Variants in HHIPL2 observed in about 807,000 individuals in gnomAD.
HHIPL2 encodes the protein HHIP like 2, also known as HHIP-like protein 2.
HHIPL2 carries 61 observed loss-of-function variants against 61.0 expected under a neutral mutation model. The observed-to-expected ratio is 1.00, with a 90% CI of 0.81 to 1.24. The LOEUF is 1.24. HHIPL2 is among the 50% of genes most tolerant of loss of function. The probability of loss-of-function intolerance (pLI) is 0.00; values close to 1 mark genes in which losing one functional copy is unlikely to be tolerated. For missense variants in HHIPL2, 885 were observed against 910.2 expected (o/e 0.97, Z 0.36); for synonymous variants, 343 against 357.4 (o/e 0.96, Z 0.45).
chr1:222,522,944 A>G, intron 8 of HHIPL2, 57 bp from the exon 9 acceptor site: 1 of 1,418,942 alleles, frequency 7.0e-7, no homozygotes, highest in Non-Finnish European at 9.7e-7. Flanking sequence ...TAGCTATAAG[A>G]GAAAACTATA....
chr1:222,546,799 A>G (rs185506938), intron 1 of HHIPL2, among the ~76,000 whole-genome samples: 11 of 152,286 alleles, frequency 7.2e-5, no homozygotes, highest in Admixed American at 1.3e-4. Context: ...TTCACGCCCT[A>G]TGTGGGAGTT....
At position 222,526,608 on chromosome 1, in the gene HHIPL2, G is replaced by A. The variant is rs548934780; in HGVS notation, c.1805+361C>T. On this transcript the variant is annotated intron_variant, in intron 7 of 8. Transcript: ENST00000343410. Reference sequence around the variant, plus strand: ...TAATCTCAGCTACTTGGGAGGCTGAGGCAGGAATATCGCTTGAACCTGGGA... The same window carrying A: ...TAATCTCAGCTACTTGGGAGGCTGAAGCAGGAATATCGCTTGAACCTGGGA... Among the ~76,000 whole-genome samples the A allele has an allele frequency of 7.3e-5, 11 of 151,012 alleles. No individual in the cohort carries two copies. In the South Asian group the frequency reaches 1.3e-3, roughly 17 times the overall value.
intron 4 of HHIPL2, chr1:222,539,126 C>A: frequency 4.5e-6 from 1 of 224,238 alleles, no homozygotes; most frequent in Non-Finnish European, 8.7e-6. Context: ...GTCTGTAAGA[C>A]TGCTTTATAA....
rs372301341 is a variant in HHIPL2 at position 222,540,071 on chromosome 1, G to A, written c.1389C>T (p.Gly463=). 4.7e-5 allele frequency: 76 copies of A among 1,614,098 alleles called. 1 individual carries two copies. Among genetic ancestry groups the A allele is most frequent in the Non-Finnish European group, 5.8e-5 (69 of 1,180,052 alleles). The change falls in exon 4 of 9, where the codon GGC becomes GGT. Residue 463 remains glycine (G), a synonymous_variant. Transcript: ENST00000343410. ...ATGCAAACCCTTCCTTTGCTCTCCAGCCATAGTTTCCACCTTTCAAAATGA... is the reference window on the plus strand; with the variant it reads ...ATGCAAACCCTTCCTTTGCTCTCCAACCATAGTTTCCACCTTTCAAAATGA... ...VDLILKGGNY[G]WRAKEGFACY...
chr1:222,544,269 GAA>G (rs1182020943), intron 1 of HHIPL2, 80 bp from the exon 2 acceptor site: 1 of 1,449,424 alleles, frequency 6.9e-7, no homozygotes, highest in Non-Finnish European at 9.3e-7. Flanking sequence ...CAAGCAGAAA[GAA>G]AAAATGGTGC....
chr1:222,529,319 G>C (rs1438581152), intron 6 of HHIPL2, among the ~76,000 whole-genome samples: 1 of 152,184 alleles, frequency 6.6e-6, no homozygotes, highest in Non-Finnish European at 1.5e-5. Context: ...TTTAGAGTCA[G>C]TTTGCTTTGT....
intron 7 of HHIPL2, 120 bp downstream of exon 7, chr1:222,526,849 A>G: frequency 1.4e-6 from 1 of 734,712 alleles, no homozygotes; most frequent in Non-Finnish European, 2.3e-6. Context: ...TATTTGTCCA[A>G]ACTGCTTTTC....
In HHIPL2 at chr1:222,542,062, G is replaced by A. The variant is rs541969198; in HGVS notation, c.1068C>T (p.Asp356=). 71 of 1,613,712 alleles carry A rather than the reference G, an allele frequency of 4.4e-5. No individual in the cohort carries two copies. Among genetic ancestry groups the A allele is most frequent in the Middle Eastern group, 1.7e-4 (1 of 6,058 alleles). The change falls in exon 3 of 9, where the codon GAC becomes GAT. Residue 356 remains aspartate (D), a synonymous_variant. Coordinates refer to ENST00000343410, the MANE Select transcript of HHIPL2 (RefSeq NM_024746.4). ...LDGYMYIFTG[D]GGQAGDPFGL... Reference sequence around the variant, plus strand: ...CAAAGGGATCTCCAGCCTGTCCCCCGTCCCCAGTGAATATGTACATATAGC... The same window carrying A: ...CAAAGGGATCTCCAGCCTGTCCCCCATCCCCAGTGAATATGTACATATAGC...
At chr1:222,542,465 C>T (rs1413715663) in intron 2 of HHIPL2, among the ~76,000 whole-genome samples, 2 of 151,200 alleles carry the variant, frequency 1.3e-5, no homozygotes, top group Non-Finnish European at 2.9e-5. Context: ...CAGGTTCAAG[C>T]AATTCTCCTG....
intron 6 of HHIPL2, among the ~76,000 whole-genome samples, chr1:222,530,842 T>C (rs557222575): frequency 1.3e-5 from 2 of 152,180 alleles, no homozygotes; most frequent in Non-Finnish European, 2.9e-5. Context: ...GAAGGGACCC[T>C]GAGAGATCAC....
Position 222,543,810 on chromosome 1 carries a change from A to G in HHIPL2, c.701T>C (p.Val234Ala), listed in dbSNP as rs368391725. The change falls in exon 2 of 9, where the codon GTT (valine) becomes GCT (alanine). Residue 234 changes from valine to alanine, a missense_variant. Physicochemically the swap from Val to Ala is moderately conservative, Grantham distance 64. Transcript: ENST00000343410. ...CCACACCACTCCTACCTGCTCGGCA[A>G]CAAAGAAGCGATGGGTGCCGTCCCC... ...HAGDGTHRFF[V>A]AEQVGVVWVY... 5.0e-6 allele frequency: 8 copies of G among 1,614,012 alleles called. No individual in the cohort carries two copies. The highest frequency in any genetic ancestry group is 5.9e-6 in the Non-Finnish European group (7 of 1,180,022).
chr1:222,544,011 C>A lies in HHIPL2; in HGVS notation c.500G>T (p.Arg167Leu), dbSNP rs182677675. 3 of 1,614,092 alleles carry A rather than the reference C, an allele frequency of 1.9e-6. No individual in the cohort carries two copies. Among genetic ancestry groups the A allele is most frequent in the South Asian group, 2.2e-5 (2 of 91,078 alleles). Residue 167 changes from arginine (R) to leucine (L), a missense_variant, in exon 2 of 9, where the codon CGC becomes CTC. By Grantham distance (102) the Arg-to-Leu change is moderately radical (BLOSUM62 -2). Transcript: ENST00000343410. ...LQESHGRDGTRFCHLLDLPDK... is the reference protein window; with the variant it reads ...LQESHGRDGTLFCHLLDLPDK... ...AGGAAGGTCCAGGAGGTGGCAGAAGCGGGTACCGTCCCTTCCATGAGACTC... is the reference window on the plus strand; with the variant it reads ...AGGAAGGTCCAGGAGGTGGCAGAAGAGGGTACCGTCCCTTCCATGAGACTC...
chr1:222,542,704 A>T (rs949525629), intron 2 of HHIPL2, among the ~76,000 whole-genome samples: 2 of 150,358 alleles, frequency 1.3e-5, no homozygotes, highest in Non-Finnish European at 3.0e-5. Flanking sequence ...CTAATTTTTG[A>T]TAGAGACAGG....
intron 3 of HHIPL2, 72 bp from the exon 4 acceptor site, chr1:222,540,413 G>T: frequency 8.0e-7 from 1 of 1,243,970 alleles, no homozygotes; most frequent in Non-Finnish European, 1.1e-6. Flanking sequence ...AGATCGCCCA[G>T]AAGGGCCGAC....
intron 4 of HHIPL2, among the ~76,000 whole-genome samples, chr1:222,539,546 A>AAAAG (rs1558130835): frequency 2.7e-5 from 4 of 147,734 alleles, no homozygotes; most frequent in Non-Finnish European, 6.0e-5. Context: ...AAAAAAAAAA[A>AAAAG]AAAGAAAGAA....
At chr1:222,546,867 G>A (rs1659566547) in intron 1 of HHIPL2, among the ~76,000 whole-genome samples, 1 of 152,224 alleles carries the variant, frequency 6.6e-6, no homozygotes, top group South Asian at 2.1e-4. Context: ...GATGCCTGTG[G>A]ATAGCCAAGT....
intron 2 of HHIPL2, among the ~76,000 whole-genome samples, chr1:222,543,053 A>C (rs971133823): frequency 6.6e-6 from 1 of 152,232 alleles, no homozygotes; most frequent in Non-Finnish European, 1.5e-5. Flanking sequence ...AAACAAAGGC[A>C]GAGTGGTAGG....
chr1:222,524,423 T>G (rs1401552109), intron 7 of HHIPL2, among the ~76,000 whole-genome samples: 2 of 152,252 alleles, frequency 1.3e-5, no homozygotes, highest in African/African-American at 4.8e-5. Context: ...GTAATTGTAT[T>G]TATTTAAAAA....
chr1:222,526,383 C>T lies in HHIPL2; in HGVS notation c.1805+586G>A, dbSNP rs532563016. On this transcript the variant is annotated intron_variant, in intron 7 of 8. Transcript: ENST00000343410. ...GTGTACACCTGTTGTTAGATGACCTCAGACAGACATTTCCAGAAGCATATT... is the reference window on the plus strand; with the variant it reads ...GTGTACACCTGTTGTTAGATGACCTTAGACAGACATTTCCAGAAGCATATT... Among the ~76,000 whole-genome samples, 391 of 150,710 alleles carry T rather than the reference C, an allele frequency of 2.6e-3. 1 individual carries two copies. The highest frequency in any genetic ancestry group is 3.8e-3 in the Non-Finnish European group (258 of 67,810).
Sources: allele counts gnomAD v4.1 joint callset (sites outside exome capture counted in the v4.1 genomes callset), GRCh38; gene constraint gnomAD v4.1.1; transcripts MANE v1.5; gene names NCBI Gene and HGNC (gene_info 2026-07-23, HGNC 2026-07-21).